Variants in PLCE1 observed in about 807,000 individuals in gnomAD.
PLCE1 encodes 1-phosphatidylinositol 4,5-bisphosphate phosphodiesterase epsilon-1.
A neutral mutation model predicts 242.8 loss-of-function variants in PLCE1; 119 were observed. The observed-to-expected ratio is 0.49, with a 90% CI of 0.42 to 0.57. The LOEUF (loss-of-function observed/expected upper bound fraction) is 0.57. PLCE1 is among the 20% of genes least tolerant of loss of function. PLCE1 has a pLI of 0.00. For synonymous variants in PLCE1, 945 were observed against 1,017.4 expected (o/e 0.93, Z 1.35); for missense variants, 2,441 against 2,788.8 (o/e 0.88, Z 2.81).
intron 13 of PLCE1, among the ~76,000 whole-genome samples, chr10:94,262,013 T>G (rs2051316320): frequency 1.3e-5 from 2 of 151,054 alleles, no homozygotes; most frequent in Non-Finnish European, 3.0e-5. Flanking sequence ...TTTTTTTTTT[T>G]TTTTTGAGAC....
Position 94,261,992 on chromosome 10 carries a change from C to G in PLCE1, c.3815-502C>G, listed in dbSNP as rs185948874. The stretch of plus-strand genomic sequence containing the variant: ...ATCAAGATCATCAACCTAGCTCTGT[C>G]TTCTTTTCCTTTTTTTTTTTTTTTT... On this transcript the variant is annotated intron_variant, in intron 13 of 32. Coordinates refer to ENST00000371380, the MANE Select transcript of PLCE1 (RefSeq NM_016341.4). Among the ~76,000 whole-genome samples, 3 of 146,950 alleles carry G rather than the reference C, an allele frequency of 2.0e-5. 1 individual carries two copies. In the Admixed American group the frequency reaches 2.1e-4, roughly 10 times the overall value.
chr10:94,302,321 G>T (rs919195021), intron 24 of PLCE1, among the ~76,000 whole-genome samples: 2 of 152,102 alleles, frequency 1.3e-5, no homozygotes, highest in African/African-American at 4.8e-5. Context: ...AAACCACCAT[G>T]GCACATGTTT....
chr10:94,217,397 T>C, intron 4 of PLCE1, among the ~76,000 whole-genome samples: 1 of 152,200 alleles, frequency 6.6e-6, no homozygotes, highest in East Asian at 1.9e-4. Context: ...CAAGACATTT[T>C]ATGTAAACTG....
chr10:94,222,241 AG>A (rs1365211342), intron 4 of PLCE1, among the ~76,000 whole-genome samples: 1 of 152,232 alleles, frequency 6.6e-6, no homozygotes, highest in African/African-American at 2.4e-5. Context: ...TTTGAACTCA[AG>A]GTCCTACATT....
At position 94,171,277 on chromosome 10, in the gene PLCE1, G is replaced by A. The variant is rs765310195; in HGVS notation, c.1590G>A (p.Gln530=). The A allele has an allele frequency of 1.1e-5, 17 of 1,614,146 alleles. No homozygotes were observed. In the East Asian group the frequency reaches 3.8e-4, roughly 36 times the overall value. ...TGATCGATCTGCAGCCTCTCATCCA[G>A]TTCCCAGAGGAAGTCGCCAGCATCC... The part of the protein sequence containing the change: ...KELIDLQPLI[Q]FPEEVASILM... The change falls in exon 4 of 33, where the codon CAG becomes CAA. Residue 530 remains glutamine (Q), a synonymous_variant. Coordinates refer to ENST00000371380, the MANE Select transcript of PLCE1 (RefSeq NM_016341.4).
chr10:94,303,874 C>T (rs1357884519), intron 24 of PLCE1, among the ~76,000 whole-genome samples: 1 of 151,950 alleles, frequency 6.6e-6, no homozygotes, highest in African/African-American at 2.4e-5. Context: ...TTATTTTTCC[C>T]TAAACAATAC....
At chr10:94,131,948 T>G (rs1266355001) in intron 2 of PLCE1, among the ~76,000 whole-genome samples, 1 of 152,210 alleles carries the variant, frequency 6.6e-6, no homozygotes, top group Non-Finnish European at 1.5e-5. Context: ...CTCTGTTTGA[T>G]AGCAGAGTTG....
At chr10:94,231,338 A>C (rs1052380808) in intron 5 of PLCE1, among the ~76,000 whole-genome samples, 1 of 152,104 alleles carries the variant, frequency 6.6e-6, no homozygotes, top group African/African-American at 2.4e-5. Context: ...TTCATTCCCC[A>C]AAAAAGAATT....
At chr10:94,301,397 C>T (rs974491499) in intron 24 of PLCE1, among the ~76,000 whole-genome samples, 4 of 151,658 alleles carry the variant, frequency 2.6e-5, no homozygotes, top group South Asian at 4.2e-4. Context: ...TCGAATAGAT[C>T]GATAAGAGTC....
At chr10:94,273,473 A>G (rs1240680164) in intron 18 of PLCE1, 89 bp from the exon 19 acceptor site, 20 of 1,280,440 alleles carry the variant, frequency 1.6e-5, no homozygotes, top group African/African-American at 8.9e-5. Flanking sequence ...CAACCAGTCT[A>G]AAATATCTAC....
At chr10:94,142,437 G>A (rs915641024) in intron 3 of PLCE1, among the ~76,000 whole-genome samples, 2 of 151,408 alleles carry the variant, frequency 1.3e-5, no homozygotes, top group Non-Finnish European at 2.9e-5. Flanking sequence ...TAGAATCACT[G>A]TAGCCCAGGA....
At chr10:94,316,502 T>A (rs779417920) in intron 28 of PLCE1, 45 bp from the exon 29 acceptor site, 14 of 1,250,852 alleles carry the variant, frequency 1.1e-5, no homozygotes, top group Non-Finnish European at 1.5e-5. Flanking sequence ...TGATTTGTTT[T>A]AAGTTTTTGC....
intron 4 of PLCE1, among the ~76,000 whole-genome samples, chr10:94,195,149 A>G (rs2048780493): frequency 6.6e-6 from 1 of 152,220 alleles, no homozygotes; most frequent in South Asian, 2.1e-4. Flanking sequence ...TGAAACTTCA[A>G]AATAGATTTG....
intron 22 of PLCE1, 44 bp downstream of exon 22, chr10:94,285,009 G>C (rs776115703): frequency 9.1e-7 from 1 of 1,098,986 alleles, no homozygotes; most frequent in Non-Finnish European, 1.4e-6. Flanking sequence ...AGATATCAAA[G>C]GTTAAAAATA....
Position 94,306,080 on chromosome 10 carries a change from C to G in PLCE1, c.5623-347C>G, listed in dbSNP as rs1375120935. 3.3e-5 allele frequency among the ~76,000 whole-genome samples: 5 copies of G among 151,814 alleles called. No individual in the cohort carries two copies. Among genetic ancestry groups the G allele is most frequent in the African/African-American group, 1.2e-4 (5 of 41,344 alleles). ...TCTGCTTCCTGGGTTCAAGCAATTC[C>G]CCTGCCTCAGCCTCCCTAATAGCTG... On this transcript the variant is annotated intron_variant, in intron 25 of 32. Transcript: ENST00000371380. This position sits in a 1 kb window ranked among gnomAD's most constrained non-coding sequence, Gnocchi z 5.7.
chr10:94,132,419 C>T lies in PLCE1; in HGVS notation c.1452C>T (p.Leu484=). The T allele has an allele frequency of 6.8e-6, 11 of 1,614,126 alleles. No homozygotes were observed. The highest frequency in any genetic ancestry group is 9.3e-6 in the Non-Finnish European group (11 of 1,180,016). ...CTTTGGGAGCAAGAAGTGGCCTTCT[C>T]AGTACTTTTGGAGGATCCACTGGAC... is the stretch of plus-strand genomic sequence containing the variant. ...TTSLGARSGL[L]STFGGSTGRM... Residue 484 remains leucine, a synonymous_variant, in exon 3 of 33, where the codon CTC becomes CTT. Coordinates refer to ENST00000371380, the MANE Select transcript of PLCE1 (RefSeq NM_016341.4).
intron 3 of PLCE1, among the ~76,000 whole-genome samples, chr10:94,165,880 T>C (rs1210057305): frequency 2.6e-5 from 4 of 152,080 alleles, no homozygotes; most frequent in Non-Finnish European, 1.5e-5. Context: ...CTACTTTTTG[T>C]ATTTTTAGTA....
chr10:94,216,658 C>T (rs2049539673), intron 4 of PLCE1, among the ~76,000 whole-genome samples: 2 of 151,496 alleles, frequency 1.3e-5, no homozygotes, highest in African/African-American at 4.8e-5. Flanking sequence ...CCCACACATT[C>T]TTCTCTAATT....
intron 1 of PLCE1, among the ~76,000 whole-genome samples, chr10:94,014,667 G>A (rs928656800): frequency 1.3e-5 from 2 of 152,110 alleles, no homozygotes; most frequent in East Asian, 1.9e-4. Context: ...TTAAAGCCCC[G>A]ATGGATCATG....
Sources: allele counts gnomAD v4.1 joint callset (sites outside exome capture counted in the v4.1 genomes callset), GRCh38; gene constraint gnomAD v4.1.1; non-coding constraint Gnocchi (gnomAD v3.1); transcripts MANE v1.5; gene names NCBI Gene and HGNC (gene_info 2026-07-23, HGNC 2026-07-21).